The following EFCAB6 variants were observed in gnomAD, a reference collection of about 807,000 sequenced individuals.
EFCAB6 encodes the protein EF-hand calcium-binding domain-containing protein 6.
Under a neutral mutation model 169.8 loss-of-function variants are expected in EFCAB6, and 156 were observed. That is an observed-to-expected ratio of 0.92 (90% confidence interval 0.81 to 1.05). The LOEUF is 1.05. Ranked by LOEUF, EFCAB6 falls within the 50% of genes least tolerant of loss-of-function variation. The pLI is 0.00. For missense variants in EFCAB6, 1,800 were observed against 1,829.1 expected, an observed-to-expected ratio of 0.98 and a Z score of 0.29; for synonymous variants, 698 against 676.4, an observed-to-expected ratio of 1.03 and a Z score of -0.50.
At chr22:43,810,203 G>A (rs1354112550) in intron 1 of EFCAB6, among the ~76,000 whole-genome samples, 4 of 152,188 alleles carry the variant, frequency 2.6e-5, no homozygotes, top group Non-Finnish European at 1.5e-5. Flanking sequence ...GCCAACTTGT[G>A]AGGACTAAAT....
chr22:43,644,599 G>T (rs2056033950), intron 17 of EFCAB6, among the ~76,000 whole-genome samples: 1 of 152,282 alleles, frequency 6.6e-6, no homozygotes, highest in South Asian at 2.1e-4. Flanking sequence ...CTGACTCTAG[G>T]CCTTCAGCAC....
chr22:43,560,225 C>G (rs2048947610), intron 26 of EFCAB6, among the ~76,000 whole-genome samples: 1 of 152,014 alleles, frequency 6.6e-6, no homozygotes, highest in Non-Finnish European at 1.5e-5. Context: ...TTGGGAGAAT[C>G]ATTAGACATA....
chr22:43,810,449 A>G (rs1346148234), intron 1 of EFCAB6, among the ~76,000 whole-genome samples: 1 of 152,246 alleles, frequency 6.6e-6, no homozygotes, highest in Non-Finnish European at 1.5e-5. Flanking sequence ...TATCATATTC[A>G]TGTTATCTCT....
At chr22:43,656,088 G>C (rs962079780) in intron 17 of EFCAB6, among the ~76,000 whole-genome samples, 1 of 152,178 alleles carries the variant, frequency 6.6e-6, no homozygotes, top group African/African-American at 2.4e-5. Flanking sequence ...AATAGAGTGA[G>C]CCCACAAAAA....
chr22:43,548,378 T>TA, intron 27 of EFCAB6, among the ~76,000 whole-genome samples: 1 of 148,664 alleles, frequency 6.7e-6, no homozygotes, highest in East Asian at 2.0e-4. Context: ...CTGCCTCTAC[T>TA]AAAATACAAA....
At chr22:43,635,960 C>A (rs1403552997) in intron 17 of EFCAB6, among the ~76,000 whole-genome samples, 1 of 152,190 alleles carries the variant, frequency 6.6e-6, no homozygotes, top group Non-Finnish European at 1.5e-5. Flanking sequence ...ATGTGAGCCA[C>A]CCACAGAAGG....
chr22:43,772,844 C>T (rs1481100610), intron 4 of EFCAB6, 48 bp downstream of exon 4: 1 of 1,603,352 alleles, frequency 6.2e-7, no homozygotes, highest in Non-Finnish European at 8.5e-7. Context: ...TGATCTACCT[C>T]AGCTTGTCTG....
chr22:43,598,416 G>A (rs1261823946), intron 23 of EFCAB6, among the ~76,000 whole-genome samples: 1 of 151,614 alleles, frequency 6.6e-6, no homozygotes, highest in Admixed American at 6.6e-5. Flanking sequence ...GAAGGGAAGG[G>A]TCGGGAGGGG....
intron 6 of EFCAB6, among the ~76,000 whole-genome samples, chr22:43,740,877 G>C (rs2060343249): frequency 6.6e-6 from 1 of 152,186 alleles, no homozygotes; most frequent in East Asian, 1.9e-4. Context: ...TAAAATGGAG[G>C]ACATGAGCAC....
chr22:43,806,413 C>T (rs5764312), intron 2 of EFCAB6, among the ~76,000 whole-genome samples: 120,922 of 151,708 alleles, frequency 0.8, 48,272 homozygotes, highest in African/African-American at 0.86. Flanking sequence ...TGCCACCACA[C>T]CTGCCTAATT....
intron 17 of EFCAB6, among the ~76,000 whole-genome samples, chr22:43,666,330 A>T (rs1368673640): frequency 6.6e-6 from 1 of 152,258 alleles, no homozygotes; most frequent in African/African-American, 2.4e-5. Flanking sequence ...ATGATGCTGC[A>T]TTCTGGAGGC....
Position 43,687,594 on chromosome 22 carries a change from G to A in EFCAB6, c.1032-13C>T, listed in dbSNP as rs1260008647. 2.0e-6 allele frequency: 3 copies of A among 1,504,768 alleles called. No individual in the cohort carries two copies. The highest frequency in any genetic ancestry group is 1.9e-5 in the Admixed American group (1 of 52,928). 93.2% of individuals were successfully genotyped at this position (1,504,768 alleles called of 1,614,324 possible). A position where few individuals can be genotyped will look rare whatever the true frequency, so the allele number is the denominator to read the frequency against. ...TTTAAGTCCAAATCTGGATTTAAAA[G>A]TAACAACAAAAAACATTACTTTAAA... On this transcript the variant is annotated splice_polypyrimidine_tract_variant and intron_variant, in intron 10 of 31. Transcript: ENST00000262726.
At chr22:43,612,093 A>G (rs2053352533) in intron 21 of EFCAB6, among the ~76,000 whole-genome samples, 1 of 152,222 alleles carries the variant, frequency 6.6e-6, no homozygotes, top group South Asian at 2.1e-4. Flanking sequence ...TGGTGCTGGG[A>G]TAACTGGCTA....
chr22:43,807,597 T>TAATTC (rs1252516733), intron 2 of EFCAB6, among the ~76,000 whole-genome samples: 1 of 152,154 alleles, frequency 6.6e-6, no homozygotes, highest in East Asian at 1.9e-4. Flanking sequence ...AGAGAAAACA[T>TAATTC]AATTCAACAC....
intron 13 of EFCAB6, 46 bp from the exon 14 acceptor site, chr22:43,672,351 G>A (rs1242819624): frequency 1.3e-6 from 2 of 1,598,882 alleles, no homozygotes; most frequent in Non-Finnish European, 1.7e-6. Flanking sequence ...ACTCATGAAA[G>A]TCATTAGGAG....
chr22:43,582,181 C>T (rs1233212340), intron 24 of EFCAB6, among the ~76,000 whole-genome samples: 1 of 152,104 alleles, frequency 6.6e-6, no homozygotes, highest in African/African-American at 2.4e-5. Context: ...CTCTTATAAT[C>T]ATTTAGTTAA....
chr22:43,793,987 A>C (rs1462149288), intron 2 of EFCAB6, among the ~76,000 whole-genome samples: 1 of 152,164 alleles, frequency 6.6e-6, no homozygotes, highest in Non-Finnish European at 1.5e-5. Flanking sequence ...GGTTCTCAAA[A>C]GTGTGGTGCC....
chr22:43,714,490 C>T (rs751651908), intron 9 of EFCAB6, among the ~76,000 whole-genome samples: 2 of 150,472 alleles, frequency 1.3e-5, no homozygotes, highest in Admixed American at 6.6e-5. Flanking sequence ...TGGTCCATGC[C>T]GAGATATAGC....
chr22:43,791,841 T>C (rs1556416621), intron 2 of EFCAB6, among the ~76,000 whole-genome samples: 1 of 152,100 alleles, frequency 6.6e-6, no homozygotes, highest in Non-Finnish European at 1.5e-5. Context: ...TGATGACTGG[T>C]CTCAGGAGAC....
Sources: gnomAD v4.1 joint callset for allele counts (sites outside exome capture counted in the v4.1 genomes callset) on GRCh38, gnomAD v4.1.1 for gene constraint, MANE v1.5 for transcripts, NCBI Gene and HGNC (gene_info 2026-07-23, HGNC 2026-07-21) for gene names.